The following SLC4A4 variants were observed in gnomAD, a reference collection of about 807,000 sequenced individuals.
The protein encoded by SLC4A4 is solute carrier family 4 member 4, also known as electrogenic sodium bicarbonate cotransporter 1.
SLC4A4 carries 27 observed loss-of-function variants against 111.5 expected under a neutral mutation model. The observed-to-expected ratio is 0.24, with a 90% CI of 0.18 to 0.33. SLC4A4 has a LOEUF of 0.33. Ranked by LOEUF, SLC4A4 falls within the 10% of genes least tolerant of loss-of-function variation. SLC4A4 has a pLI of 1.00. For missense variants in SLC4A4, 909 were observed against 1,315.5 expected (o/e 0.69, Z 4.78); for synonymous variants, 443 against 463.4 (o/e 0.96, Z 0.57).
intron 3 of SLC4A4, among the ~76,000 whole-genome samples, chr4:71,275,199 T>C (rs1277028927): frequency 6.6e-6 from 1 of 152,218 alleles, no homozygotes; most frequent in Non-Finnish European, 1.5e-5. Flanking sequence ...CCAGTGCCAG[T>C]ACAGCCCTTT....
chr4:71,250,045 A>AT (rs35291319), intron 2 of SLC4A4, among the ~76,000 whole-genome samples: 26 of 151,366 alleles, frequency 1.7e-4, no homozygotes, highest in East Asian at 7.8e-4. Context: ...TTTAACTGAG[A>AT]TTTTTTTTTG....
intron 7 of SLC4A4, among the ~76,000 whole-genome samples, chr4:71,409,640 A>T (rs1218935056): frequency 6.6e-6 from 1 of 152,232 alleles, no homozygotes; most frequent in Non-Finnish European, 1.5e-5. Flanking sequence ...GCAGCCTGAC[A>T]ATGCAGTAGA....
At chr4:71,092,431 A>G (rs964796744) in intron 1 of SLC4A4, among the ~76,000 whole-genome samples, 2 of 152,240 alleles carry the variant, frequency 1.3e-5, no homozygotes, top group African/African-American at 4.8e-5. Context: ...AGTAAGAATT[A>G]GTAGATAAAT....
chr4:71,423,094 G>A (rs1490153112), intron 7 of SLC4A4, among the ~76,000 whole-genome samples: 4 of 152,110 alleles, frequency 2.6e-5, no homozygotes, highest in South Asian at 4.1e-4. Context: ...AAACCCCATT[G>A]TCTCAGCCCA....
chr4:71,230,573 A>T (rs1244641063), intron 1 of SLC4A4, among the ~76,000 whole-genome samples: 3 of 152,238 alleles, frequency 2.0e-5, no homozygotes, highest in Non-Finnish European at 4.4e-5. Context: ...ATACAAGATT[A>T]GCTAATAAAC....
At chr4:71,321,275 G>C (rs1004309146) in intron 3 of SLC4A4, among the ~76,000 whole-genome samples, 1 of 152,006 alleles carries the variant, frequency 6.6e-6, no homozygotes, top group African/African-American at 2.4e-5. Context: ...AAACTTAGCT[G>C]ATTCAATTTT....
chr4:71,155,611 G>A (rs1164473767), intron 2 of SLC4A4, among the ~76,000 whole-genome samples: 2 of 152,022 alleles, frequency 1.3e-5, no homozygotes, highest in Admixed American at 6.6e-5. Context: ...TACAGGTGCT[G>A]CATCACGCCC....
rs772578212 is a variant in SLC4A4, at chr4:71,557,790, C to G, written c.2842C>G (p.Arg948Gly). The change falls in exon 22 of 26, where the codon CGC becomes GGC. Residue 948 changes from arginine to glycine, a missense_variant. Arg to Gly is a moderately radical substitution (Grantham distance 125). Around this residue, in one of 7 missense-constraint regions of SLC4A4, gnomAD observed 104 missense variants for 219.5 expected, o/e 0.47. Transcript: ENST00000264485. ...CATCTACCTGCGTCATGTTCCTCTG[C>G]GCAGAGTCCACCTGTTCACTTTCCT... The part of the protein sequence containing the change: ...DFIYLRHVPL[R>G]RVHLFTFLQV... 6.2e-7 allele frequency: 1 copy of G among 1,612,716 alleles called. No homozygotes were observed. The highest frequency in any genetic ancestry group is 8.5e-7 in the Non-Finnish European group (1 of 1,179,254).
At chr4:71,387,268 T>C (rs1718834966) in intron 6 of SLC4A4, among the ~76,000 whole-genome samples, 1 of 152,182 alleles carries the variant, frequency 6.6e-6, no homozygotes, top group African/African-American at 2.4e-5. Flanking sequence ...TGGTGTCATG[T>C]TCTACTATTC....
rs72854404 is a variant in SLC4A4 at position 71,527,103 on chromosome 4, C to T, written c.2167-4959C>T. On this transcript the variant is annotated intron_variant, in intron 16 of 25. Transcript: ENST00000264485. ...TATTCACAGGTTGTGGGAATTAGGA[C>T]GTGGGCATCTTTAGGGGTATATTAT... Among the ~76,000 whole-genome samples the T allele has an allele frequency of 3.1e-3, 466 of 152,118 alleles. 3 individuals carry two copies. Among genetic ancestry groups the T allele is most frequent in the African/African-American group, 0.01 (435 of 41,506 alleles).
intron 3 of SLC4A4, chr4:71,338,947 G>T: frequency 1.3e-6 from 1 of 748,380 alleles, no homozygotes; most frequent in Non-Finnish European, 1.9e-6. Context: ...GGACTTGGGG[G>T]ATCTCAGGAT....
At chr4:71,288,523 C>T (rs910416173) in intron 3 of SLC4A4, among the ~76,000 whole-genome samples, 3 of 152,048 alleles carry the variant, frequency 2.0e-5, no homozygotes, top group Non-Finnish European at 4.4e-5. Flanking sequence ...CTCAGCCTCC[C>T]TAGTAGCTGG....
intron 6 of SLC4A4, among the ~76,000 whole-genome samples, chr4:71,357,834 T>C (rs983344328): frequency 7.9e-5 from 12 of 152,336 alleles, no homozygotes; most frequent in Non-Finnish European, 1.6e-4. Flanking sequence ...CAGAGTTTCC[T>C]GTAGAGTGTC....
At chr4:71,074,623 G>GAAAGGAGAA (rs1741758014) in intron 1 of SLC4A4, among the ~76,000 whole-genome samples, 1 of 151,380 alleles carries the variant, frequency 6.6e-6, no homozygotes, top group Admixed American at 6.6e-5. Flanking sequence ...AGGAAAGGAA[G>GAAAGGAGAA]AAAGGAGAAA....
chr4:71,076,877 C>A (rs1741847684), intron 1 of SLC4A4, among the ~76,000 whole-genome samples: 1 of 151,676 alleles, frequency 6.6e-6, no homozygotes, highest in Non-Finnish European at 1.5e-5. Flanking sequence ...GTAGTCCCAG[C>A]TTCTTGGGAG....
intron 18 of SLC4A4, among the ~76,000 whole-genome samples, chr4:71,538,152 G>T (rs1369961929): frequency 6.6e-6 from 1 of 151,730 alleles, no homozygotes; most frequent in African/African-American, 2.4e-5. Context: ...TATGATCTAC[G>T]GTTGGCTAGA....
chr4:71,535,584 T>G (rs2149215574), intron 18 of SLC4A4, among the ~76,000 whole-genome samples: 1 of 152,218 alleles, frequency 6.6e-6, no homozygotes, highest in South Asian at 2.1e-4. Context: ...CCATCAAAAC[T>G]TGTAAGTTAG....
chr4:71,476,876 T>A (rs2149114713), intron 14 of SLC4A4, among the ~76,000 whole-genome samples: 1 of 151,850 alleles, frequency 6.6e-6, no homozygotes, highest in Admixed American at 6.6e-5. Context: ...GTGCTAAGAT[T>A]TGCTTTTCTT....
chr4:71,426,620 A>C (rs1723166734), intron 7 of SLC4A4, among the ~76,000 whole-genome samples: 1 of 152,168 alleles, frequency 6.6e-6, no homozygotes, highest in African/African-American at 2.4e-5. Context: ...AACCTATTTC[A>C]AAACTGTCCC....
Sources: allele counts gnomAD v4.1 joint callset (sites outside exome capture counted in the v4.1 genomes callset), GRCh38; gene constraint gnomAD v4.1.1; regional missense constraint gnomAD v4.1.1; transcripts MANE v1.5; gene names NCBI Gene and HGNC (gene_info 2026-07-23, HGNC 2026-07-21).